C12orf42: variants seen among roughly 807,000 people sequenced by gnomAD.
C12orf42 encodes the protein chromosome 12 open reading frame 42, also known as uncharacterized protein C12orf42.
A neutral mutation model predicts 21.6 loss-of-function variants in C12orf42; 25 were observed. That is an observed-to-expected ratio of 1.16 (90% CI 0.84 to 1.62). The LOEUF (loss-of-function observed/expected upper bound fraction) is 1.62. Ranked by LOEUF, C12orf42 falls within the 40% of genes most tolerant of loss-of-function variation. The pLI, the probability that C12orf42 is intolerant of heterozygous loss-of-function variation, is 0.00. For missense variants in C12orf42, 483 were observed against 459.3 expected (o/e 1.05, Z -0.47); for synonymous variants, 174 against 175.0 (o/e 0.99, Z 0.05).
At chr12:103,361,399 A>T (rs2044092603) in intron 4 of C12orf42, among the ~76,000 whole-genome samples, 1 of 152,076 alleles carries the variant, frequency 6.6e-6, no homozygotes, top group Non-Finnish European at 1.5e-5. Flanking sequence ...CCTGGGAAGC[A>T]ATTTCTGACT....
At chr12:103,197,673 T>C in the C12orf42 span, among the ~76,000 whole-genome samples, 1 of 152,234 alleles carries the variant, frequency 6.6e-6, no homozygotes, top group Non-Finnish European at 1.5e-5. Flanking sequence ...GCACTGGTTG[T>C]TTCTCATCTG....
At chr12:103,209,957 T>C in the C12orf42 span, among the ~76,000 whole-genome samples, 4 of 152,204 alleles carry the variant, frequency 2.6e-5, no homozygotes, top group African/African-American at 9.7e-5. Context: ...ATGGAATAAA[T>C]GTGTTTAAAC....
chr12:103,549,287 A>T, the C12orf42 span, among the ~76,000 whole-genome samples: 1 of 152,174 alleles, frequency 6.6e-6, no homozygotes, highest in Admixed American at 6.6e-5. Context: ...AAACAATTGT[A>T]GATACATTAG....
the C12orf42 span, among the ~76,000 whole-genome samples, chr12:103,106,227 G>C: frequency 1.9e-4 from 29 of 152,150 alleles, no homozygotes; most frequent in African/African-American, 6.0e-4. Context: ...ACTTAAGAAT[G>C]TGAGTAAATA....
the C12orf42 span, chr12:103,559,207 A>G: frequency 7.2e-5 from 11 of 152,260 alleles, no homozygotes; most frequent in African/African-American, 2.7e-4. Context: ...GCCAACATCA[A>G]TCCTGCAGGT....
the C12orf42 span, among the ~76,000 whole-genome samples, chr12:103,509,454 C>T: frequency 2.0e-5 from 3 of 152,132 alleles, no homozygotes; most frequent in Non-Finnish European, 4.4e-5. Flanking sequence ...ATTTAAACAA[C>T]ATCCAAAAAA....
chr12:103,401,845 G>A (rs1453688707), intron 2 of C12orf42, among the ~76,000 whole-genome samples, 170 bp from the exon 3 acceptor site: 2 of 152,134 alleles, frequency 1.3e-5, no homozygotes, highest in Admixed American at 6.5e-5. Flanking sequence ...GGTGCGTTGG[G>A]AACAATGGTG....
chr12:103,538,695 T>C, the C12orf42 span, among the ~76,000 whole-genome samples: 1 of 152,258 alleles, frequency 6.6e-6, no homozygotes, highest in African/African-American at 2.4e-5. Flanking sequence ...ACTGTTTTTC[T>C]GAAAGCTAGT....
At chr12:103,311,680 A>G (rs1304343028) in intron 4 of C12orf42, among the ~76,000 whole-genome samples, 1 of 152,300 alleles carries the variant, frequency 6.6e-6, no homozygotes, top group East Asian at 1.9e-4. Context: ...ATAGCCCATG[A>G]CTTAAAGTCC....
intron 2 of C12orf42, among the ~76,000 whole-genome samples, chr12:103,452,401 T>C (rs1241626779): frequency 6.6e-6 from 1 of 152,064 alleles, no homozygotes; most frequent in Non-Finnish European, 1.5e-5. Context: ...CTGAGTCAGA[T>C]GCAAGAATTA....
intron 3 of C12orf42, among the ~76,000 whole-genome samples, chr12:103,395,223 C>T (rs1191371885): frequency 1.3e-5 from 2 of 152,154 alleles, no homozygotes; most frequent in Non-Finnish European, 2.9e-5. Context: ...TCTTCCTCTG[C>T]CACATTACAA....
chr12:103,138,395 T>C, the C12orf42 span, among the ~76,000 whole-genome samples: 1 of 152,182 alleles, frequency 6.6e-6, no homozygotes, highest in Non-Finnish European at 1.5e-5. Flanking sequence ...TGTGTAGCTC[T>C]TCTCCCTTTG....
At chr12:103,277,154 C>T in exon 5 of C12orf42, 1 of 455,730 alleles carries the variant, frequency 2.2e-6, no homozygotes, top group Non-Finnish European at 4.4e-6. Context: ...ACTCACTCTT[C>T]AAGGTGAAGA....
chr12:103,528,471 T>C, the C12orf42 span, among the ~76,000 whole-genome samples: 2 of 152,202 alleles, frequency 1.3e-5, no homozygotes, highest in South Asian at 2.1e-4. Flanking sequence ...ATTTTGGTCA[T>C]GGAGGGGGAC....
chr12:103,121,112 T>C, the C12orf42 span, among the ~76,000 whole-genome samples: 129 of 152,304 alleles, frequency 8.5e-4, no homozygotes, highest in African/African-American at 2.9e-3. Context: ...ATGCCTTATC[T>C]GTATAGAGTG....
chr12:103,198,808 AG>A, the C12orf42 span, among the ~76,000 whole-genome samples: 1 of 152,170 alleles, frequency 6.6e-6, no homozygotes, highest in African/African-American at 2.4e-5. Context: ...CCATGATCCC[AG>A]GATCTGCATC....
chr12:103,449,750 T>C (rs1027085526), intron 2 of C12orf42, among the ~76,000 whole-genome samples: 2 of 151,764 alleles, frequency 1.3e-5, no homozygotes, highest in Non-Finnish European at 2.9e-5. Flanking sequence ...ATCCTGGTCA[T>C]TCCTGACTTT....
chr12:103,153,689 C>T, the C12orf42 span, among the ~76,000 whole-genome samples: 2 of 152,048 alleles, frequency 1.3e-5, no homozygotes, highest in African/African-American at 4.8e-5. Flanking sequence ...ACAACTGAAA[C>T]TCTAATACAC....
At chr12:103,288,565 T>A (rs1196172827) in intron 4 of C12orf42, among the ~76,000 whole-genome samples, 1 of 152,228 alleles carries the variant, frequency 6.6e-6, no homozygotes, top group Non-Finnish European at 1.5e-5. Context: ...TCACCCTTTT[T>A]AAATCCAAAA....
Sources: allele counts gnomAD v4.1 joint callset (sites outside exome capture counted in the v4.1 genomes callset), GRCh38; gene constraint gnomAD v4.1.1; transcripts MANE v1.5; gene names NCBI Gene and HGNC (gene_info 2026-07-23, HGNC 2026-07-21).